The following DPH6 variants were observed in gnomAD, a reference collection of about 807,000 sequenced individuals.
The protein encoded by DPH6 is diphthamine biosynthesis 6, also known as diphthine--ammonia ligase.
A neutral mutation model predicts 38.2 loss-of-function variants in DPH6; 33 were observed. That is an observed-to-expected ratio of 0.86 (90% CI 0.65 to 1.15). DPH6 has a LOEUF of 1.15. Ranked by LOEUF, DPH6 falls within the 50% of genes most tolerant of loss-of-function variation. The pLI, the probability that DPH6 is intolerant of heterozygous loss-of-function variation, is 0.00. For missense variants in DPH6, 325 were observed against 320.0 expected, an observed-to-expected ratio of 1.02 and a Z score of -0.12; for synonymous variants, 108 against 103.0, an observed-to-expected ratio of 1.05 and a Z score of -0.30.
chr15:35,226,302 C>T lies in DPH6; in HGVS notation n.201-5720G>A, dbSNP rs140010090. 1.8e-3 allele frequency among the ~76,000 whole-genome samples: 281 copies of T among 152,150 alleles called. 1 individual carries two copies. The highest frequency in any genetic ancestry group is 6.5e-3 in the African/African-American group (271 of 41,528). ...AATACTTTGTCTCTGTATAGTTCTCCGAACTGCTTTTCCCCTTATACTAAT... is the reference window on the plus strand; with the variant it reads ...AATACTTTGTCTCTGTATAGTTCTCTGAACTGCTTTTCCCCTTATACTAAT... On this transcript the variant is annotated intron_variant and non_coding_transcript_variant, in intron 3 of 3. Coordinates refer to the DPH6 transcript ENST00000560386.
the DPH6 span, among the ~76,000 whole-genome samples, chr15:35,181,214 C>T: frequency 1.3e-5 from 2 of 151,950 alleles, no homozygotes; most frequent in Admixed American, 6.6e-5. Flanking sequence ...AGATGTGTCT[C>T]GATGATTGCC....
intron 3 of DPH6, chr15:35,298,631 C>T: frequency 1.9e-6 from 2 of 1,029,786 alleles, no homozygotes; most frequent in African/African-American, 1.6e-5. Flanking sequence ...GATCTTGCCA[C>T]CAAGCTTGCT....
At chr15:35,362,725 T>C (rs1378892414) in intron 3 of DPH6, among the ~76,000 whole-genome samples, 1 of 152,188 alleles carries the variant, frequency 6.6e-6, no homozygotes, top group Non-Finnish European at 1.5e-5. Flanking sequence ...GCCATGATCT[T>C]TCTGATCACA....
chr15:35,408,181 G>A (rs2053320011), intron 6 of DPH6, among the ~76,000 whole-genome samples: 1 of 151,950 alleles, frequency 6.6e-6, no homozygotes, highest in South Asian at 2.1e-4. Flanking sequence ...GCAGGTGAGG[G>A]AAAGAGGAGT....
chr15:35,489,496 C>T (rs2054448142), intron 3 of DPH6: 1 of 982,368 alleles, frequency 1.0e-6, no homozygotes, highest in Admixed American at 6.2e-5. Context: ...TAAATATGAA[C>T]TAGAATTATA....
chr15:35,186,152 C>T, the DPH6 span, among the ~76,000 whole-genome samples: 1 of 152,090 alleles, frequency 6.6e-6, no homozygotes, highest in African/African-American at 2.4e-5. Context: ...GCCATATACC[C>T]TACTATAACA....
the DPH6 span, among the ~76,000 whole-genome samples, chr15:35,165,061 G>C: frequency 6.6e-6 from 1 of 151,730 alleles, no homozygotes; most frequent in East Asian, 1.9e-4. Context: ...TCAACCATGG[G>C]TAAAAGATTG....
At chr15:35,287,783 C>G (rs964210320) in intron 3 of DPH6, among the ~76,000 whole-genome samples, 2 of 152,094 alleles carry the variant, frequency 1.3e-5, no homozygotes, top group Non-Finnish European at 2.9e-5. Context: ...ATCAGTGTTA[C>G]TGAACTGCCG....
chr15:35,482,776 A>C (rs1226070948), intron 3 of DPH6, among the ~76,000 whole-genome samples: 1 of 152,138 alleles, frequency 6.6e-6, no homozygotes, highest in Non-Finnish European at 1.5e-5. Flanking sequence ...CACTGTTAGT[A>C]GTCCCAGCTT....
the DPH6 span, among the ~76,000 whole-genome samples, chr15:35,191,723 T>C: frequency 9.3e-4 from 142 of 152,348 alleles, no homozygotes; most frequent in African/African-American, 3.3e-3. Context: ...TTGTCTTGTC[T>C]GAGTTCCTTC....
At chr15:35,199,742 C>G in the DPH6 span, among the ~76,000 whole-genome samples, 2 of 150,688 alleles carry the variant, frequency 1.3e-5, no homozygotes, top group African/African-American at 4.9e-5. Flanking sequence ...GACTACAACA[C>G]AAGACAAAAT....
intron 3 of DPH6, among the ~76,000 whole-genome samples, chr15:35,265,829 C>T (rs1292068338): frequency 4.6e-5 from 7 of 152,170 alleles, no homozygotes; most frequent in Non-Finnish European, 7.3e-5. Flanking sequence ...ATATCGCTGT[C>T]ATATGATAGT....
At chr15:35,354,455 ATCAATATGAAATTTATAGAGAGTTTT>A (rs1352772891) in intron 3 of DPH6, among the ~76,000 whole-genome samples, 1 of 152,230 alleles carries the variant, frequency 6.6e-6, no homozygotes, top group Non-Finnish European at 1.5e-5. Context: ...GATATGTCCC[ATCAATATGAAATTTATAGAGAGTTTT>A]TAGCATGAAG....
chr15:35,194,681 C>A, the DPH6 span, among the ~76,000 whole-genome samples: 2 of 152,164 alleles, frequency 1.3e-5, no homozygotes, highest in African/African-American at 2.4e-5. Context: ...GCAGATCCCA[C>A]GAAAAGTGAG....
intron 3 of DPH6, among the ~76,000 whole-genome samples, chr15:35,248,828 T>C (rs1292889278): frequency 6.6e-6 from 1 of 152,162 alleles, no homozygotes; most frequent in Non-Finnish European, 1.5e-5. Context: ...ATAAATAATA[T>C]ATGCCAATGA....
chr15:35,443,828 C>T (rs148585194), intron 5 of DPH6, among the ~76,000 whole-genome samples: 2,613 of 151,784 alleles, frequency 0.017, 34 homozygotes, highest in Non-Finnish European at 0.028. Flanking sequence ...ATGTTCTCTA[C>T]AGCCCCACAT....
At chr15:35,435,348 T>C (rs552927466) in intron 5 of DPH6, among the ~76,000 whole-genome samples, 13 of 152,288 alleles carry the variant, frequency 8.5e-5, no homozygotes, top group Admixed American at 7.2e-4. Context: ...GACAATCAAA[T>C]GTAGACAACT....
intron 3 of DPH6, among the ~76,000 whole-genome samples, chr15:35,303,954 C>T (rs575568569): frequency 6.6e-6 from 1 of 151,876 alleles, no homozygotes; most frequent in South Asian, 2.1e-4. Context: ...TGGTGTAATA[C>T]TGCCAGGTTT....
intron 3 of DPH6, among the ~76,000 whole-genome samples, chr15:35,528,044 G>A (rs1352040466): frequency 6.6e-6 from 1 of 152,084 alleles, no homozygotes; most frequent in Non-Finnish European, 1.5e-5. Flanking sequence ...AATCTATTAA[G>A]ACTATATTTT....
Sources: gnomAD v4.1 joint callset for allele counts (sites outside exome capture counted in the v4.1 genomes callset) on GRCh38, gnomAD v4.1.1 for gene constraint, MANE v1.5 for transcripts, NCBI Gene and HGNC (gene_info 2026-07-23, HGNC 2026-07-21) for gene names.